The following RBFOX1 variants were observed in gnomAD, a reference collection of about 807,000 sequenced individuals.
The protein encoded by RBFOX1 is RNA binding protein fox-1 homolog 1.
A neutral mutation model predicts 57.7 loss-of-function variants in RBFOX1; 8 were observed. That is an observed-to-expected ratio of 0.14 (90% CI 0.08 to 0.25). The LOEUF (loss-of-function observed/expected upper bound fraction) is 0.25. Ranked by LOEUF, RBFOX1 falls within the 10% of genes least tolerant of loss-of-function variation. The pLI is 1.00. For synonymous variants in RBFOX1, 326 were observed against 222.4 expected (o/e 1.47, Z -4.15); for missense variants, 611 against 548.5 (o/e 1.11, Z -1.14).
Position 6,887,898 on chromosome 16 carries a change from G to C in RBFOX1, c.-15-164159G>C, listed in dbSNP as rs116683398. ...GCTGGTCTCGAACTCCAGACTTCAA[G>C]TGATCCACCCGTCATGGCCTCCCAA... On this transcript the variant is annotated intron_variant, in intron 3 of 15. Coordinates refer to ENST00000550418, the MANE Select transcript of RBFOX1 (RefSeq NM_018723.4). Among the ~76,000 whole-genome samples, 926 of 152,212 alleles carry C rather than the reference G, an allele frequency of 6.1e-3. 19 individuals carry two copies. Among genetic ancestry groups the C allele is most frequent in the African/African-American group, 0.021 (886 of 41,528 alleles).
chr16:6,242,234 A>C (rs149711605), intron 1 of RBFOX1, among the ~76,000 whole-genome samples: 6 of 152,104 alleles, frequency 3.9e-5, no homozygotes, highest in African/African-American at 1.2e-4. Flanking sequence ...TTCTCTCTAT[A>C]TATAAGTATA....
chr16:7,281,913 AG>A (rs1264890542), intron 4 of RBFOX1, among the ~76,000 whole-genome samples: 1 of 152,084 alleles, frequency 6.6e-6, no homozygotes, highest in Non-Finnish European at 1.5e-5. Context: ...CAGGATGGAC[AG>A]GAGGTCAGTG....
intron 4 of RBFOX1, among the ~76,000 whole-genome samples, chr16:7,290,330 T>C (rs1410650352): frequency 6.6e-6 from 1 of 152,228 alleles, no homozygotes; most frequent in Non-Finnish European, 1.5e-5. Flanking sequence ...TCTTTTAATT[T>C]GTTGCCTGCT....
At chr16:5,591,358 T>C (rs1027484662) in intron 2 of RBFOX1, among the ~76,000 whole-genome samples, 8 of 151,942 alleles carry the variant, frequency 5.3e-5, no homozygotes, top group African/African-American at 1.9e-4. Flanking sequence ...TTCAAGTGAT[T>C]CTCCTGCCTC....
chr16:6,559,141 A>G (rs1280914902), intron 2 of RBFOX1, among the ~76,000 whole-genome samples: 3 of 150,890 alleles, frequency 2.0e-5, no homozygotes, highest in East Asian at 1.9e-4. Flanking sequence ...GTGTATATAC[A>G]TATGTGTATA....
At chr16:5,665,917 G>A (rs2049829031) in intron 3 of RBFOX1, among the ~76,000 whole-genome samples, 1 of 152,240 alleles carries the variant, frequency 6.6e-6, no homozygotes, top group African/African-American at 2.4e-5. Context: ...GCTGAAAGCT[G>A]TTGTTGGCAC....
intron 4 of RBFOX1, among the ~76,000 whole-genome samples, chr16:7,290,018 G>T (rs548577811): frequency 2.0e-4 from 31 of 152,204 alleles, no homozygotes; most frequent in African/African-American, 7.5e-4. Flanking sequence ...TTCTTCATAG[G>T]AGAGTAAACC....
chr16:5,934,406 C>A (rs946171604), intron 4 of RBFOX1, among the ~76,000 whole-genome samples: 1 of 152,158 alleles, frequency 6.6e-6, no homozygotes, highest in African/African-American at 2.4e-5. Flanking sequence ...TGTAAAGCTT[C>A]CTTTCTAAAT....
intron 3 of RBFOX1, among the ~76,000 whole-genome samples, chr16:7,019,767 GT>G (rs1259493201): frequency 6.6e-6 from 1 of 152,112 alleles, no homozygotes; most frequent in Non-Finnish European, 1.5e-5. Context: ...TGCCCACCAG[GT>G]TTAGCTTGTA....
At chr16:6,618,315 A>G (rs1012893663) in intron 2 of RBFOX1, among the ~76,000 whole-genome samples, 1 of 152,244 alleles carries the variant, frequency 6.6e-6, no homozygotes, top group Non-Finnish European at 1.5e-5. Flanking sequence ...TTGACTGAAC[A>G]CTTACTTAAA....
chr16:5,480,249 G>A (rs2069480668), intron 2 of RBFOX1, among the ~76,000 whole-genome samples: 1 of 151,994 alleles, frequency 6.6e-6, no homozygotes, highest in Admixed American at 6.6e-5. Context: ...TTTGACCAGG[G>A]GTCAAAGCCA....
intron 4 of RBFOX1, among the ~76,000 whole-genome samples, chr16:7,351,955 A>G (rs553814402): frequency 2.0e-5 from 3 of 152,294 alleles, no homozygotes; most frequent in East Asian, 3.9e-4. Context: ...AGGGACTTTG[A>G]TGCCATTTTT....
intron 1 of RBFOX1, among the ~76,000 whole-genome samples, chr16:6,201,465 C>A (rs1171100832): frequency 6.6e-6 from 1 of 152,042 alleles, no homozygotes; most frequent in Non-Finnish European, 1.5e-5. Flanking sequence ...GGCCAGTATT[C>A]ATTATTGGAC....
intron 3 of RBFOX1, among the ~76,000 whole-genome samples, chr16:6,722,939 C>T (rs1011092696): frequency 6.6e-6 from 1 of 152,174 alleles, no homozygotes; most frequent in Non-Finnish European, 1.5e-5. Flanking sequence ...AGGGGGCCCT[C>T]TGCTTCTAGG....
At chr16:7,664,343 A>G (rs2068616062) in intron 12 of RBFOX1, among the ~76,000 whole-genome samples, 1 of 152,194 alleles carries the variant, frequency 6.6e-6, no homozygotes, top group Non-Finnish European at 1.5e-5. Context: ...TATTAGAGAT[A>G]TTCTCCATTA....
chr16:6,636,720 G>A (rs1235180595), intron 2 of RBFOX1, among the ~76,000 whole-genome samples: 3 of 143,464 alleles, frequency 2.1e-5, no homozygotes, highest in Non-Finnish European at 4.5e-5. Flanking sequence ...TCACCAATCT[G>A]GAAGTCATAA....
At chr16:6,705,621 G>A (rs1367230633) in intron 3 of RBFOX1, 1 of 152,112 alleles carries the variant, frequency 6.6e-6, no homozygotes, top group Non-Finnish European at 1.5e-5. Context: ...TATACAAGAT[G>A]AGCCTGATAG....
At chr16:5,789,646 C>A (rs753229994) in intron 3 of RBFOX1, among the ~76,000 whole-genome samples, 1 of 152,174 alleles carries the variant, frequency 6.6e-6, no homozygotes, top group East Asian at 1.9e-4. Context: ...GTATCTTGTT[C>A]ATGACTCATG....
chr16:6,130,387 G>A (rs1044809880), intron 1 of RBFOX1, among the ~76,000 whole-genome samples: 4 of 152,004 alleles, frequency 2.6e-5, no homozygotes, highest in Admixed American at 6.6e-5. Context: ...GCCTAAAAAT[G>A]AATAGAATAT....
Sources: gnomAD v4.1 joint callset for allele counts (sites outside exome capture counted in the v4.1 genomes callset) on GRCh38, gnomAD v4.1.1 for gene constraint, MANE v1.5 for transcripts, NCBI Gene and HGNC (gene_info 2026-07-23, HGNC 2026-07-21) for gene names.